STRBP: variants seen among roughly 807,000 people sequenced by gnomAD.
STRBP encodes the protein spermatid perinuclear RNA-binding protein.
STRBP carries 13 observed loss-of-function variants against 80.1 expected under a neutral mutation model. The ratio of observed to expected loss-of-function variants is 0.16; its 90% confidence interval spans 0.11 to 0.26. The LOEUF is 0.26. Ranked by LOEUF, STRBP falls within the 10% of genes least tolerant of loss-of-function variation. The probability of loss-of-function intolerance (pLI) is 1.00; values close to 1 mark genes in which losing one functional copy is unlikely to be tolerated. For missense variants in STRBP, 485 were observed against 815.2 expected, an observed-to-expected ratio of 0.59 and a Z score of 4.93; for synonymous variants, 284 against 291.2, an observed-to-expected ratio of 0.98 and a Z score of 0.25.
chr9:123,183,486 T>A lies in STRBP; in HGVS notation c.3+646A>T, dbSNP rs1221275912. On this transcript the variant is annotated intron_variant, in intron 3 of 18. Transcript: ENST00000348403. ...TCGCTTATACTTAGGAGAAAAAAAA[T>A]TCATATAACACCCTCCAGAACTCAT... 6.0e-5 allele frequency among the ~76,000 whole-genome samples: 9 copies of A among 148,828 alleles called. No homozygotes were observed. In the South Asian group the frequency reaches 1.5e-3, roughly 25 times the overall value.
intron 4 of STRBP, among the ~76,000 whole-genome samples, chr9:123,178,601 C>T (rs1258345919): frequency 2.0e-5 from 3 of 152,166 alleles, no homozygotes; most frequent in East Asian, 3.9e-4. Flanking sequence ...TTTTCCTACA[C>T]TCTTTCTTCT....
At chr9:123,188,145 C>A (rs972422718) in intron 2 of STRBP, among the ~76,000 whole-genome samples, 3 of 152,066 alleles carry the variant, frequency 2.0e-5, no homozygotes, top group Admixed American at 2.0e-4. Context: ...AGACTAGCTT[C>A]TTTCACTTAG....
intron 6 of STRBP, among the ~76,000 whole-genome samples, chr9:123,165,294 A>G (rs1175932188): frequency 6.6e-6 from 1 of 151,802 alleles, no homozygotes; most frequent in East Asian, 1.9e-4. Context: ...AAAAAAAAAA[A>G]AAAAAGTTTG....
intron 4 of STRBP, among the ~76,000 whole-genome samples, chr9:123,176,269 A>T (rs1354378539): frequency 1.3e-5 from 2 of 152,192 alleles, no homozygotes; most frequent in Non-Finnish European, 2.9e-5. Flanking sequence ...GCCTATTCCA[A>T]GTGCTACCTC....
chr9:123,150,951 G>T (rs2037032217), intron 11 of STRBP, among the ~76,000 whole-genome samples: 2 of 152,162 alleles, frequency 1.3e-5, no homozygotes, highest in South Asian at 4.1e-4. Context: ...AATTTCATTA[G>T]TCACCTCCCA....
chr9:123,139,782 T>C (rs1052658569), intron 13 of STRBP, 95 bp from the exon 14 acceptor site: 3 of 1,315,860 alleles, frequency 2.3e-6, no homozygotes, highest in African/African-American at 1.5e-5. Context: ...TCCATAGTGT[T>C]TGAACCATAA....
intron 2 of STRBP, among the ~76,000 whole-genome samples, chr9:123,210,554 C>A (rs182445405): frequency 2.0e-5 from 3 of 152,030 alleles, no homozygotes; most frequent in African/African-American, 7.2e-5. Flanking sequence ...TCAAGCAGGC[C>A]GGGCGCAGTG....
At chr9:123,205,384 A>G (rs1167692889) in intron 2 of STRBP, among the ~76,000 whole-genome samples, 2 of 152,242 alleles carry the variant, frequency 1.3e-5, no homozygotes, top group Non-Finnish European at 2.9e-5. Context: ...TGATTCTCAA[A>G]AGACCTTCTG....
intron 11 of STRBP, among the ~76,000 whole-genome samples, chr9:123,149,508 A>G (rs2036964836): frequency 6.6e-6 from 1 of 152,198 alleles, no homozygotes; most frequent in Non-Finnish European, 1.5e-5. Flanking sequence ...TCCTCCAGCT[A>G]CATAGAGTTC....
intron 2 of STRBP, among the ~76,000 whole-genome samples, chr9:123,209,858 TAC>T (rs890820620): frequency 6.6e-6 from 1 of 152,084 alleles, no homozygotes; most frequent in East Asian, 1.9e-4. Flanking sequence ...ATGGTTGCCA[TAC>T]ACACACACAC....
At chr9:123,178,275 ATAGAG>A (rs1474502657) in intron 4 of STRBP, among the ~76,000 whole-genome samples, 3 of 152,226 alleles carry the variant, frequency 2.0e-5, no homozygotes, top group African/African-American at 4.8e-5. Context: ...GTTTTTATTC[ATAGAG>A]TATAGTCAAA....
intron 1 of STRBP, among the ~76,000 whole-genome samples, chr9:123,237,231 A>G (rs2040588130): frequency 6.6e-6 from 1 of 152,200 alleles, no homozygotes; most frequent in African/African-American, 2.4e-5. Context: ...TGAAATCTAC[A>G]GTGTTACAGC....
At chr9:123,155,790 C>A (rs1337915575) in intron 11 of STRBP, among the ~76,000 whole-genome samples, 3 of 151,772 alleles carry the variant, frequency 2.0e-5, no homozygotes, top group Admixed American at 2.0e-4. Context: ...GAAGAAGTCA[C>A]AGAACTGAGA....
Position 123,124,587 on chromosome 9 carries a change from A to C in STRBP, c.*1010T>G. ...GCTGCTTTAGATTCTGATGTAATTG[A>C]AGAGGAAAGGAGACCCTTCAATGAA... On this transcript the variant is annotated 3_prime_UTR_variant, in exon 19 of 19. Transcript: ENST00000348403. 5.1e-6 allele frequency: 5 copies of C among 985,458 alleles called. No individual in the cohort carries two copies. The highest frequency in any genetic ancestry group is 6.0e-6 in the Non-Finnish European group (5 of 829,936). 61.0% of individuals were successfully genotyped at this position (985,458 alleles called of 1,614,324 possible). A position where few individuals can be genotyped will look rare whatever the true frequency, so the allele number is the denominator to read the frequency against.
Position 123,111,416 on chromosome 9 carries a change from GAA to G in STRBP, c.*85-1665_*85-1664del, listed in dbSNP as rs947833589. ...TCCTTGATCCATTTCCATGAACAAG[GAA>G]AAGAAAAAGAGTCTGACTCGCAAAA... On this transcript the variant is annotated intron_variant and NMD_transcript_variant, in intron 3 of 3. Transcript: ENST00000471564. 10 of 308,696 alleles carry G rather than the reference GAA, an allele frequency of 3.2e-5. No homozygotes were observed. The Admixed American group carries it at 5.3e-4, about 16-fold the overall frequency. 19.1% of individuals were successfully genotyped at this position (308,696 alleles called of 1,614,324 possible). A position where few individuals can be genotyped will look rare whatever the true frequency, so the allele number is the denominator to read the frequency against.
rs958615583 is a variant in STRBP, at chr9:123,208,116, GT to G, written c.-164-23819del. Among the ~76,000 whole-genome samples the G allele has an allele frequency of 3.4e-3, 465 of 138,496 alleles. 2 individuals carry two copies. Among genetic ancestry groups the G allele is most frequent in the East Asian group, 0.011 (51 of 4,790 alleles). 90.9% of individuals were successfully genotyped at this position (138,496 alleles called of 152,430 possible). On this transcript the variant is annotated intron_variant, in intron 2 of 18. Coordinates refer to ENST00000348403, the MANE Select transcript of STRBP (RefSeq NM_018387.5). ...AGTTCTCCATCAAAGAAGACTGTAA[GT>G]TTTTTTTTTTTTTTTAAGTGGAATG...
chr9:123,195,104 C>A (rs1353852080), intron 2 of STRBP, among the ~76,000 whole-genome samples: 1 of 152,084 alleles, frequency 6.6e-6, no homozygotes, highest in African/African-American at 2.4e-5. Flanking sequence ...GCATCTTAAA[C>A]CTAATGCATC....
At chr9:123,205,082 A>G (rs960254090) in intron 2 of STRBP, among the ~76,000 whole-genome samples, 1 of 152,138 alleles carries the variant, frequency 6.6e-6, no homozygotes, top group Non-Finnish European at 1.5e-5. Flanking sequence ...CCTGGCCAAC[A>G]TGGCAAAACT....
intron 1 of STRBP, among the ~76,000 whole-genome samples, chr9:123,243,282 A>G (rs1369137519): frequency 1.3e-5 from 2 of 151,186 alleles, no homozygotes; most frequent in South Asian, 4.1e-4. Context: ...AAAAAAAAAA[A>G]AAGAAAAATA....
Sources: gnomAD v4.1 joint callset for allele counts (sites outside exome capture counted in the v4.1 genomes callset) on GRCh38, gnomAD v4.1.1 for gene constraint, MANE v1.5 for transcripts, NCBI Gene and HGNC (gene_info 2026-07-23, HGNC 2026-07-21) for gene names.